The following KLF10 variants were observed in gnomAD, a reference collection of about 807,000 sequenced individuals.
KLF10 encodes KLF transcription factor 10.
A neutral mutation model predicts 31.6 loss-of-function variants in KLF10; 17 were observed. The ratio of observed to expected loss-of-function variants is 0.54; its 90% CI spans 0.37 to 0.81. The LOEUF (loss-of-function observed/expected upper bound fraction) is 0.81. KLF10 is among the 30% of genes least tolerant of loss of function. The pLI, the probability that KLF10 is intolerant of heterozygous loss-of-function variation, is 0.00. For missense variants in KLF10, 525 were observed against 598.1 expected (o/e 0.88, Z 1.27); for synonymous variants, 239 against 215.1 (o/e 1.11, Z -0.97).
At position 102,651,555 on chromosome 8, in the gene KLF10, T is replaced by TCTC; in HGVS notation, c.776_777insGAG (p.Pro259_Pro260insArg). Reference sequence around the variant, plus strand: ...GCACTCCCCCTGCAGATACTGCAGGTGGAGAGACCAACACTGACTTCTGTT... The same window carrying TCTC: ...GCACTCCCCCTGCAGATACTGCAGGTCTCGGAGAGACCAACACTGACTTCTGTT... On this transcript the variant is annotated inframe_insertion, in exon 3 of 4. Transcript: ENST00000285407. The TCTC allele has an allele frequency of 6.2e-7, 1 of 1,613,896 alleles. No individual in the cohort carries two copies. The highest frequency in any genetic ancestry group is 8.5e-7 in the Non-Finnish European group (1 of 1,179,914).
chr8:102,650,753 TTAAC>T (rs897556813), intron 3 of KLF10, among the ~76,000 whole-genome samples: 173 of 152,262 alleles, frequency 1.1e-3, no homozygotes, highest in African/African-American at 3.8e-3. Context: ...CTTCCTGACT[TTAAC>T]TATGATTCAA....
At chr8:102,654,704 AGACGTGCAGCCCCCACAGGCCCCG>A (rs1387642695) in intron 1 of KLF10, among the ~76,000 whole-genome samples, 3 of 140,484 alleles carry the variant, frequency 2.1e-5, no homozygotes, top group African/African-American at 5.4e-5. Context: ...ACGGGTTCCC[AGACGTGCAGCCCCCACAGGCCCCG>A]GCTCCAGACG....
chr8:102,651,044 A>T (rs1827196606), intron 3 of KLF10, 105 bp downstream of exon 3: 1 of 1,098,664 alleles, frequency 9.1e-7, no homozygotes, highest in African/African-American at 1.6e-5. Context: ...ACCATCCTCT[A>T]AACTAGCTAA....
At chr8:102,653,219 C>T (rs1443921644) in intron 1 of KLF10, among the ~76,000 whole-genome samples, 2 of 152,130 alleles carry the variant, frequency 1.3e-5, no homozygotes, top group Non-Finnish European at 1.5e-5. Context: ...AATGGTTTGC[C>T]ATACATAACT....
At chr8:102,654,221 C>G (rs932424303) in intron 1 of KLF10, 1 of 148,354 alleles carries the variant, frequency 6.7e-6, no homozygotes, top group Admixed American at 6.7e-5. Context: ...CGGGCCCCCG[C>G]CCGCGCCCGA....
intron 1 of KLF10, chr8:102,654,238 G>C (rs1042319480): frequency 2.0e-4 from 29 of 146,998 alleles, no homozygotes; most frequent in Admixed American, 1.9e-3. Context: ...CCGACCCGGG[G>C]GAGGGGCCGC....
intron 1 of KLF10, 61 bp downstream of exon 1, chr8:102,655,505 C>A: frequency 1.2e-6 from 2 of 1,604,320 alleles, no homozygotes; most frequent in Admixed American, 3.3e-5. Context: ...GGTTCGCGCC[C>A]CCTTTGGCCC....
intron 3 of KLF10, 88 bp from the exon 4 acceptor site, chr8:102,650,479 C>T (rs985798231): frequency 3.1e-6 from 4 of 1,290,886 alleles, no homozygotes; most frequent in Non-Finnish European, 4.3e-6. Flanking sequence ...TGAGAAGATA[C>T]ATTTTAAATA....
chr8:102,655,180 T>C (rs868271150), intron 1 of KLF10, among the ~76,000 whole-genome samples: 1 of 151,528 alleles, frequency 6.6e-6, no homozygotes, highest in Non-Finnish European at 1.5e-5. Context: ...AGCCCCCTTG[T>C]CCCTCCCGCG....
chr8:102,654,106 G>A, intron 1 of KLF10: 2 of 277,890 alleles, frequency 7.2e-6, no homozygotes, highest in Non-Finnish European at 1.1e-5. Flanking sequence ...GCGAGGAGGG[G>A]GCGAGGCATG....
intron 1 of KLF10, among the ~76,000 whole-genome samples, 197 bp downstream of exon 1, chr8:102,655,369 G>C (rs1048704926): frequency 6.6e-6 from 1 of 152,044 alleles, no homozygotes; most frequent in Admixed American, 6.6e-5. Flanking sequence ...CAGCCCCCTG[G>C]TTCGACCCCC....
At chr8:102,653,911 C>T in intron 1 of KLF10, 1 of 896,114 alleles carries the variant, frequency 1.1e-6, no homozygotes, top group Non-Finnish European at 1.3e-6. Context: ...GGGCGGACGG[C>T]GGGGGAGATC....
At position 102,651,926 on chromosome 8, in the gene KLF10, C is replaced by T; in HGVS notation, c.406G>A (p.Glu136Lys). ...GCAGATACTGGGCTCTTTTCTTCCT[C>T]TTTGAAAGGTGCGGCAATGTGAGGT... Reference protein sequence around the residue: ...AKPHIAAPFKEEEKSPVSAPK... With the variant: ...AKPHIAAPFKKEEKSPVSAPK... Residue 136 changes from glutamate (E) to lysine (K), a missense_variant, in exon 3 of 4, where the codon GAG becomes AAG. Glu to Lys is a moderately conservative substitution (Grantham distance 56). Transcript: ENST00000285407. The T allele has an allele frequency of 6.2e-7, 1 of 1,614,040 alleles. No individual in the cohort carries two copies. The highest frequency in any genetic ancestry group is 1.6e-4 in the Middle Eastern group (1 of 6,062).
In KLF10 at chr8:102,649,331, T is replaced by C. The variant is rs1028378229; in HGVS notation, c.*801A>G. Reference sequence around the variant, plus strand: ...TTTTTTTTCTAAACAAAGTGCAGTGTATCTTAGAGTCTACAGAAAACACAT... The same window carrying C: ...TTTTTTTTCTAAACAAAGTGCAGTGCATCTTAGAGTCTACAGAAAACACAT... On this transcript the variant is annotated 3_prime_UTR_variant, in exon 4 of 4. Coordinates refer to ENST00000285407, the MANE Select transcript of KLF10 (RefSeq NM_005655.4). 1.3e-5 allele frequency: 2 copies of C among 152,238 alleles called. No individual in the cohort carries two copies. The highest frequency in any genetic ancestry group is 2.4e-5 in the African/African-American group (1 of 41,474). The allele number at this position is 152,238 out of a possible 1,614,324, so 9.4% of individuals were successfully genotyped here. A position where few individuals can be genotyped will look rare whatever the true frequency, so the allele number is the denominator to read the frequency against.
intron 1 of KLF10, chr8:102,653,469 C>T (rs1268587832): frequency 9.7e-6 from 15 of 1,549,348 alleles, no homozygotes; most frequent in Non-Finnish European, 1.2e-5. Context: ...GTACTACTCA[C>T]CATTTCTCCT....
Position 102,652,034 on chromosome 8 carries a change from C to G in KLF10, c.298G>C (p.Asp100His). The G allele has an allele frequency of 6.2e-7, 1 of 1,609,702 alleles. No individual in the cohort carries two copies. Among genetic ancestry groups the G allele is most frequent in the Non-Finnish European group, 8.5e-7 (1 of 1,178,096 alleles). The change falls in exon 3 of 4, where the codon GAC becomes CAC. Residue 100 changes from aspartate (D) to histidine (H), a missense_variant. By Grantham distance (81) the Asp-to-His change is moderately conservative. Coordinates refer to ENST00000285407, the MANE Select transcript of KLF10 (RefSeq NM_005655.4). ...TTTGACACTTGAGAGGGTTCAAAGT[C>G]AGAAGGACTGTAAGGTGGAGTCAAA... ...FCLTPPYSPSDFEPSQVSNLM... is the reference protein window; with the variant it reads ...FCLTPPYSPSHFEPSQVSNLM...
chr8:102,650,207 C>G lies in KLF10; in HGVS notation c.1368G>C (p.Lys456Asn), dbSNP rs930597625. ...KHARRHLSAK[K>N]LPNWQMEVSK... Reference sequence around the variant, plus strand: ...TCACTTCCATCTGCCAGTTTGGTAGCTTCTTGGCTGATAGATGGCGCCGGG... The same window carrying G: ...TCACTTCCATCTGCCAGTTTGGTAGGTTCTTGGCTGATAGATGGCGCCGGG... The change falls in exon 4 of 4, where the codon AAG becomes AAC. Residue 456 changes from lysine to asparagine, a missense_variant. Lys to Asn is a moderately conservative substitution (Grantham distance 94, BLOSUM62 0). Around this residue, in one of 3 missense-constraint regions of KLF10, gnomAD observed 42 missense variants for 42.4 expected, o/e 0.99. Transcript: ENST00000285407. The G allele has an allele frequency of 5.0e-6, 8 of 1,614,110 alleles. No homozygotes were observed. In the Admixed American group the frequency reaches 1.0e-4, roughly 20 times the overall value.
chr8:102,654,546 C>G (rs1178085102), intron 1 of KLF10, among the ~76,000 whole-genome samples: 3 of 151,962 alleles, frequency 2.0e-5, no homozygotes, highest in Non-Finnish European at 4.4e-5. Flanking sequence ...CTCCTCCCGC[C>G]GGCAGCCCCC....
Position 102,652,179 on chromosome 8 carries a change from A to C in KLF10, c.255T>G (p.His85Gln). 1 of 1,595,690 alleles carries C rather than the reference A, an allele frequency of 6.3e-7. No individual in the cohort carries two copies. Among genetic ancestry groups the C allele is most frequent in the African/African-American group, 1.3e-5 (1 of 74,592 alleles). ...TAATACTTACAAATGCTGGGATTGT[A>C]TGAAAATCAGGTGTTCCCGGAAGCA... The part of the protein sequence containing the change: ...ENLLPGTPDF[H>Q]TIPAFCLTPP... Residue 85 changes from histidine to glutamine, a missense_variant, in exon 2 of 4, where the codon CAT becomes CAG. Coordinates refer to ENST00000285407, the MANE Select transcript of KLF10 (RefSeq NM_005655.4).
Sources: allele counts gnomAD v4.1 joint callset (sites outside exome capture counted in the v4.1 genomes callset), GRCh38; gene constraint gnomAD v4.1.1; regional missense constraint gnomAD v4.1.1; transcripts MANE v1.5; gene names NCBI Gene and HGNC (gene_info 2026-07-23, HGNC 2026-07-21).